Variants in SLC25A12 observed in about 807,000 individuals in gnomAD.
SLC25A12 encodes the protein solute carrier family 25 member 12.
Under a neutral mutation model 83.3 loss-of-function variants are expected in SLC25A12, and 32 were observed. That is an observed-to-expected ratio of 0.38 (90% CI 0.29 to 0.52). The LOEUF (loss-of-function observed/expected upper bound fraction) is 0.52. Among genes scored for constraint, SLC25A12 ranks in the 20% least tolerant of loss-of-function variants. The pLI is 0.84. For missense variants in SLC25A12, 611 were observed against 835.6 expected, an observed-to-expected ratio of 0.73 and a Z score of 3.31; for synonymous variants, 267 against 291.1, an observed-to-expected ratio of 0.92 and a Z score of 0.84.
At chr2:171,820,081 C>T (rs1035941754) in intron 9 of SLC25A12, among the ~76,000 whole-genome samples, 6 of 151,988 alleles carry the variant, frequency 3.9e-5, no homozygotes, top group Non-Finnish European at 8.8e-5. Flanking sequence ...TGAGGGAGGA[C>T]TGGAGGAGAA....
rs1396538705 is a variant in SLC25A12 at position 171,784,414 on chromosome 2, A to G, written c.*860T>C. 6.6e-6 allele frequency: 1 copy of G among 152,256 alleles called. No individual in the cohort carries two copies. Among genetic ancestry groups the G allele is most frequent in the African/African-American group, 2.4e-5 (1 of 41,472 alleles). The allele number at this position is 152,256 out of a possible 1,614,324, so 9.4% of individuals were successfully genotyped here. ...TATTTTTGACTGGAATCATATCCATATGAAGGGAAATTGTGAAAGTATCCT... is the reference window on the plus strand; with the variant it reads ...TATTTTTGACTGGAATCATATCCATGTGAAGGGAAATTGTGAAAGTATCCT... On this transcript the variant is annotated 3_prime_UTR_variant, in exon 18 of 18. Transcript: ENST00000422440.
At chr2:171,867,081 C>A (rs1685341231) in intron 3 of SLC25A12, among the ~76,000 whole-genome samples, 2 of 149,620 alleles carry the variant, frequency 1.3e-5, no homozygotes, top group Non-Finnish European at 3.0e-5. Context: ...GATGGGCGGC[C>A]GGGCAGAGAC....
chr2:171,849,864 T>G lies in SLC25A12; in HGVS notation c.326-5356A>C, dbSNP rs371946982. On this transcript the variant is annotated intron_variant, in intron 4 of 17. Coordinates refer to ENST00000422440, the MANE Select transcript of SLC25A12 (RefSeq NM_003705.5). ...AGCCACCGTGCCCGGCCCAGTGGCG[T>G]GATCTTGGCTCACTGCAACCTCTGC... is the stretch of plus-strand genomic sequence containing the variant. Among the ~76,000 whole-genome samples, 60 of 151,790 alleles carry G rather than the reference T, an allele frequency of 4.0e-4. No individual in the cohort carries two copies. In the East Asian group the frequency reaches 8.7e-3, roughly 22 times the overall value.
chr2:171,864,606 C>G (rs1033511433), intron 3 of SLC25A12, among the ~76,000 whole-genome samples: 3 of 152,196 alleles, frequency 2.0e-5, no homozygotes, highest in African/African-American at 7.2e-5. Flanking sequence ...AGCACATGCG[C>G]ACGCACACAC....
At chr2:171,798,103 CA>C (rs1683634439) in intron 13 of SLC25A12, among the ~76,000 whole-genome samples, 1 of 152,092 alleles carries the variant, frequency 6.6e-6, no homozygotes, top group African/African-American at 2.4e-5. Flanking sequence ...TAAAAGAGAA[CA>C]AATCTCATTT....
chr2:171,843,019 C>T (rs953825357), intron 5 of SLC25A12, among the ~76,000 whole-genome samples: 1 of 152,072 alleles, frequency 6.6e-6, no homozygotes, highest in Non-Finnish European at 1.5e-5. Context: ...CAAGGTTTCG[C>T]CATGTTGGCC....
chr2:171,872,193 T>C (rs1685471341), intron 2 of SLC25A12, among the ~76,000 whole-genome samples: 1 of 152,022 alleles, frequency 6.6e-6, no homozygotes, highest in Admixed American at 6.6e-5. Context: ...CTCTAGATAT[T>C]TCACACACTT....
intron 2 of SLC25A12, among the ~76,000 whole-genome samples, chr2:171,873,320 C>T (rs1402806562): frequency 2.0e-5 from 3 of 152,146 alleles, no homozygotes; most frequent in Non-Finnish European, 2.9e-5. Context: ...TGGTGGCACG[C>T]ACCTGTAGAC....
chr2:171,888,878 G>A (rs1323929097), intron 2 of SLC25A12, among the ~76,000 whole-genome samples: 2 of 152,104 alleles, frequency 1.3e-5, no homozygotes, highest in Non-Finnish European at 2.9e-5. Flanking sequence ...TTTACAAAGA[G>A]TTTTCAACTG....
intron 8 of SLC25A12, among the ~76,000 whole-genome samples, chr2:171,831,917 G>T (rs1408632945): frequency 6.7e-6 from 1 of 150,116 alleles, no homozygotes; most frequent in Non-Finnish European, 1.5e-5. Context: ...AAAAATTAAA[G>T]GGAAAGAAAA....
At chr2:171,789,863 C>T (rs947568154) in intron 15 of SLC25A12, among the ~76,000 whole-genome samples, 2 of 151,516 alleles carry the variant, frequency 1.3e-5, no homozygotes, top group East Asian at 3.9e-4. Flanking sequence ...CACTGCACTC[C>T]AGCCTGGGTG....
At chr2:171,824,713 T>TA (rs1333950461) in intron 9 of SLC25A12, among the ~76,000 whole-genome samples, 140 of 152,142 alleles carry the variant, frequency 9.2e-4, no homozygotes, top group Admixed American at 7.2e-3. Flanking sequence ...TTATTAAACA[T>TA]AATTTTATAA....
intron 5 of SLC25A12, among the ~76,000 whole-genome samples, chr2:171,843,926 G>A (rs982707031): frequency 2.0e-5 from 3 of 150,632 alleles, no homozygotes; most frequent in Non-Finnish European, 4.4e-5. Context: ...CTCCCAAGTA[G>A]CTAGGACTAC....
chr2:171,886,548 C>T (rs553689333), intron 2 of SLC25A12, among the ~76,000 whole-genome samples: 25 of 149,430 alleles, frequency 1.7e-4, no homozygotes, highest in Non-Finnish European at 2.5e-4. Context: ...TTCGCTCTGT[C>T]GCCCAGGCTG....
intron 2 of SLC25A12, among the ~76,000 whole-genome samples, chr2:171,888,474 C>T (rs1685869710): frequency 6.6e-6 from 1 of 151,916 alleles, no homozygotes. Context: ...GTGAGTCTCG[C>T]TCTGTCGCCC....
In SLC25A12 at chr2:171,875,910, CA is replaced by C. The variant is rs34276775; in HGVS notation, c.67-7088del. 1.6e-3 allele frequency among the ~76,000 whole-genome samples: 158 copies of C among 98,958 alleles called. 2 individuals are homozygous for C. Among genetic ancestry groups the C allele is most frequent in the African/African-American group, 6.2e-3 (147 of 23,866 alleles). 64.9% of individuals were successfully genotyped at this position (98,958 alleles called of 152,430 possible). On this transcript the variant is annotated intron_variant, in intron 2 of 17. Transcript: ENST00000422440. Reference sequence around the variant, plus strand: ...CCTGGGCGAGCGCAAGACTCTGTCTCAAAAAAAAAAAAAAAAAAAAGAAACC... The same window carrying C: ...CCTGGGCGAGCGCAAGACTCTGTCTCAAAAAAAAAAAAAAAAAAAGAAACC...
intron 13 of SLC25A12, among the ~76,000 whole-genome samples, chr2:171,800,968 G>A (rs1042624713): frequency 2.0e-5 from 3 of 152,284 alleles, no homozygotes; most frequent in African/African-American, 4.8e-5. Context: ...ATGGAAAGAC[G>A]CATGAACGAC....
chr2:171,867,073 T>G (rs1386956432), intron 3 of SLC25A12, among the ~76,000 whole-genome samples: 7 of 110,752 alleles, frequency 6.3e-5, no homozygotes, highest in African/African-American at 1.1e-4. Context: ...TCTCAGACGA[T>G]GGGCGGCCGG....
intron 12 of SLC25A12, 130 bp downstream of exon 12, chr2:171,810,094 C>G: frequency 2.6e-6 from 2 of 771,784 alleles, no homozygotes; most frequent in East Asian, 5.1e-5. Flanking sequence ...GAACTGGTCT[C>G]AAGTGATCCT....
Sources: allele counts gnomAD v4.1 joint callset (sites outside exome capture counted in the v4.1 genomes callset), GRCh38; gene constraint gnomAD v4.1.1; transcripts MANE v1.5; gene names NCBI Gene and HGNC (gene_info 2026-07-23, HGNC 2026-07-21).